AUTS2: variants seen among roughly 807,000 people sequenced by gnomAD.
AUTS2 encodes the protein autism susceptibility gene 2 protein.
A neutral mutation model predicts 112.4 loss-of-function variants in AUTS2; 17 were observed. That is an observed-to-expected ratio of 0.15 (90% CI 0.10 to 0.23). The LOEUF is 0.23. Among genes scored for constraint, AUTS2 ranks in the 10% least tolerant of loss-of-function variants. The probability of loss-of-function intolerance (pLI) is 1.00; values close to 1 mark genes in which losing one functional copy is unlikely to be tolerated. For missense variants in AUTS2, 1,510 were observed against 1,701.6 expected (o/e 0.89, Z 1.98); for synonymous variants, 751 against 702.7 (o/e 1.07, Z -1.09).
rs1411505273 is a variant in AUTS2 at position 70,742,985 on chromosome 7, G to C, written c.743-19885G>C. On this transcript the variant is annotated intron_variant, in intron 6 of 18. Transcript: ENST00000342771. ...TTAGCTAGTGGTAAAGCCAGAACTT[G>C]AATCCAGTTAATTTTGAAACTATAA... is the stretch of plus-strand genomic sequence containing the variant. 2.6e-5 allele frequency among the ~76,000 whole-genome samples: 4 copies of C among 152,164 alleles called. No individual in the cohort carries two copies. In the East Asian group the frequency reaches 7.7e-4, roughly 29 times the overall value.
At chr7:70,599,551 C>A (rs1004210259) in intron 5 of AUTS2, among the ~76,000 whole-genome samples, 4 of 152,228 alleles carry the variant, frequency 2.6e-5, no homozygotes, top group Non-Finnish European at 5.9e-5. Flanking sequence ...GAATCAGAAT[C>A]TGCGACAGGT....
At chr7:70,444,522 A>AT (rs1166903847) in intron 5 of AUTS2, among the ~76,000 whole-genome samples, 10 of 152,156 alleles carry the variant, frequency 6.6e-5, no homozygotes, top group Non-Finnish European at 1.2e-4. Context: ...ATAATTATCT[A>AT]AACTTTATAC....
At chr7:69,856,424 T>C (rs775121174) in intron 1 of AUTS2, among the ~76,000 whole-genome samples, 4 of 152,216 alleles carry the variant, frequency 2.6e-5, no homozygotes, top group Non-Finnish European at 5.9e-5. Context: ...ATCTTTATTA[T>C]TAAAAATTAA....
At chr7:69,949,026 C>T (rs1388774388) in intron 2 of AUTS2, among the ~76,000 whole-genome samples, 4 of 151,960 alleles carry the variant, frequency 2.6e-5, no homozygotes, top group Non-Finnish European at 4.4e-5. Flanking sequence ...AGGCTGGTCT[C>T]GAGCTCCTGA....
At chr7:70,303,155 A>T (rs1789301293) in intron 4 of AUTS2, among the ~76,000 whole-genome samples, 1 of 151,972 alleles carries the variant, frequency 6.6e-6, no homozygotes, top group Non-Finnish European at 1.5e-5. Flanking sequence ...GGACCCTGTA[A>T]CACTTGTGCC....
At position 70,766,032 on chromosome 7, in the gene AUTS2, C is replaced by G; in HGVS notation, c.1469-82C>G. 1 of 1,554,358 alleles carries G rather than the reference C, an allele frequency of 6.4e-7. No homozygotes were observed. Among genetic ancestry groups the G allele is most frequent in the East Asian group, 2.3e-5 (1 of 44,088 alleles). ...TCACCCCTGCCACTGTGTCACCAGC[C>G]CCGTACCCCTCCACAGGAAGGCAGT... On this transcript the variant is annotated intron_variant, in intron 8 of 18. Transcript: ENST00000342771. This position sits in a 1 kb window ranked among gnomAD's most constrained non-coding sequence, Gnocchi z 4.8.
rs1239468773 is a variant in AUTS2 at position 70,766,092 on chromosome 7, T to C, written c.1469-22T>C. ...TTTTCTGAAGGAAAAGGCGTCATCGTCTCCCTCTTCTTCTCTTCCAGAGCA... is the reference window on the plus strand; with the variant it reads ...TTTTCTGAAGGAAAAGGCGTCATCGCCTCCCTCTTCTTCTCTTCCAGAGCA... On this transcript the variant is annotated intron_variant, in intron 8 of 18. Coordinates refer to ENST00000342771, the MANE Select transcript of AUTS2 (RefSeq NM_015570.4). This position sits in a 1 kb window ranked among gnomAD's most constrained non-coding sequence, Gnocchi z 4.8. The C allele has an allele frequency of 1.2e-6, 2 of 1,605,986 alleles. No individual in the cohort carries two copies. The highest frequency in any genetic ancestry group is 2.7e-5 in the African/African-American group (2 of 74,742).
intron 1 of AUTS2, among the ~76,000 whole-genome samples, chr7:69,763,989 G>A (rs745798895): frequency 6.6e-6 from 1 of 152,128 alleles, no homozygotes; most frequent in Admixed American, 6.5e-5. Context: ...TTCAAAGCAG[G>A]GTGTATTCTC....
chr7:70,639,019 G>T (rs1025574884), intron 5 of AUTS2, among the ~76,000 whole-genome samples: 1 of 152,096 alleles, frequency 6.6e-6, no homozygotes, highest in Admixed American at 6.5e-5. Flanking sequence ...TTCCAGGGGG[G>T]TGAATGCTCA....
intron 2 of AUTS2, among the ~76,000 whole-genome samples, chr7:70,031,574 C>T (rs187469075): frequency 6.6e-6 from 1 of 152,138 alleles, no homozygotes; most frequent in Admixed American, 6.6e-5. Flanking sequence ...TCTGGCATAG[C>T]TCAGTGAAGA....
chr7:70,110,398 CT>C (rs1805007276), intron 2 of AUTS2, among the ~76,000 whole-genome samples: 1 of 152,144 alleles, frequency 6.6e-6, no homozygotes, highest in Non-Finnish European at 1.5e-5. Flanking sequence ...CACCTGTAAT[CT>C]CAGCTACTCG....
intron 1 of AUTS2, among the ~76,000 whole-genome samples, chr7:69,717,594 A>G (rs1036143701): frequency 3.9e-5 from 6 of 152,202 alleles, no homozygotes; most frequent in African/African-American, 1.2e-4. Flanking sequence ...TGAAAGGAAA[A>G]AAAATTTTTT....
chr7:70,216,932 CAG>C (rs1416014669), intron 4 of AUTS2, among the ~76,000 whole-genome samples: 3 of 152,070 alleles, frequency 2.0e-5, no homozygotes, highest in Admixed American at 2.0e-4. Flanking sequence ...TTTTTTGAGA[CAG>C]AATCTTGCGC....
chr7:70,591,872 G>A (rs796830815), intron 5 of AUTS2, among the ~76,000 whole-genome samples: 5 of 152,210 alleles, frequency 3.3e-5, no homozygotes, highest in African/African-American at 7.2e-5. Context: ...CAGTTGGCAC[G>A]GCTCTCCAAA....
chr7:70,224,866 T>C (rs1215049824), intron 4 of AUTS2, among the ~76,000 whole-genome samples: 1 of 152,254 alleles, frequency 6.6e-6, no homozygotes, highest in African/African-American at 2.4e-5. Flanking sequence ...CAGTATTCAG[T>C]ACAGTCACAT....
intron 4 of AUTS2, among the ~76,000 whole-genome samples, chr7:70,304,489 A>T (rs1584996915): frequency 6.6e-6 from 1 of 152,248 alleles, no homozygotes; most frequent in East Asian, 1.9e-4. Flanking sequence ...GGGATCACCC[A>T]TGACCTTTTA....
intron 5 of AUTS2, among the ~76,000 whole-genome samples, chr7:70,481,659 C>T (rs537543633): frequency 6.6e-6 from 1 of 152,138 alleles, no homozygotes; most frequent in Admixed American, 6.5e-5. Context: ...TCTCTGTCGG[C>T]CACATCAAAA....
intron 2 of AUTS2, among the ~76,000 whole-genome samples, chr7:70,035,714 C>G (rs779382820): frequency 2.0e-4 from 30 of 152,230 alleles, no homozygotes; most frequent in Middle Eastern, 3.4e-3. Flanking sequence ...TTATTCTTCC[C>G]GGTTCCAAGA....
At chr7:70,589,993 T>C (rs1802864588) in intron 5 of AUTS2, among the ~76,000 whole-genome samples, 1 of 152,184 alleles carries the variant, frequency 6.6e-6, no homozygotes, top group Non-Finnish European at 1.5e-5. Flanking sequence ...GAGAGCAGTC[T>C]GCAGAGGCAA....
Sources: allele counts gnomAD v4.1 joint callset (sites outside exome capture counted in the v4.1 genomes callset), GRCh38; gene constraint gnomAD v4.1.1; non-coding constraint Gnocchi (gnomAD v3.1); transcripts MANE v1.5; gene names NCBI Gene and HGNC (gene_info 2026-07-23, HGNC 2026-07-21).